Variants in SIK3 observed in about 807,000 individuals in gnomAD.
The protein encoded by SIK3 is SIK family kinase 3, also known as serine/threonine-protein kinase SIK3.
Under a neutral mutation model 144.2 loss-of-function variants are expected in SIK3, and 28 were observed. The ratio of observed to expected loss-of-function variants is 0.19; its 90% CI spans 0.14 to 0.27. The LOEUF (loss-of-function observed/expected upper bound fraction) is 0.27, where lower values mean the gene tolerates loss of function less well. Among genes scored for constraint, SIK3 ranks in the 10% least tolerant of loss-of-function variants. SIK3 has a pLI of 1.00. For synonymous variants in SIK3, 686 were observed against 676.3 expected (o/e 1.01, Z -0.22); for missense variants, 1,319 against 1,776.0 (o/e 0.74, Z 4.62).
chr11:116,922,907 C>CTTTTTTTTTT (rs202058609), intron 4 of SIK3, among the ~76,000 whole-genome samples: 3 of 102,174 alleles, frequency 2.9e-5, no homozygotes, highest in Non-Finnish European at 4.0e-5. Flanking sequence ...TTTCTTTTCT[C>CTTTTTTTTTT]TTTTTTTTTT....
intron 1 of SIK3, among the ~76,000 whole-genome samples, chr11:117,081,825 C>A (rs1591670798): frequency 2.0e-5 from 3 of 152,242 alleles, no homozygotes; most frequent in East Asian, 1.9e-4. Context: ...GTGCTGCAAA[C>A]AACACTACCA....
At chr11:116,908,224 C>A (rs1365344827) in intron 4 of SIK3, among the ~76,000 whole-genome samples, 1 of 152,124 alleles carries the variant, frequency 6.6e-6, no homozygotes, top group Non-Finnish European at 1.5e-5. Flanking sequence ...TCCTGTAATC[C>A]CAGCATTCTG....
intron 1 of SIK3, among the ~76,000 whole-genome samples, chr11:117,001,920 G>A (rs1260674678): frequency 6.6e-6 from 1 of 152,110 alleles, no homozygotes; most frequent in Non-Finnish European, 1.5e-5. Flanking sequence ...AGAAAAATCA[G>A]AAGTTCCCCA....
intron 4 of SIK3, among the ~76,000 whole-genome samples, chr11:116,924,629 T>A (rs1176790529): frequency 6.6e-6 from 1 of 152,162 alleles, no homozygotes; most frequent in African/African-American, 2.4e-5. Context: ...CGCAGCACAG[T>A]GGTGCACCAT....
intron 1 of SIK3, among the ~76,000 whole-genome samples, chr11:117,003,492 A>T (rs543392641): frequency 3.3e-5 from 5 of 152,288 alleles, no homozygotes; most frequent in African/African-American, 7.2e-5. Flanking sequence ...AATAAAAAAA[A>T]AAATATATTC....
chr11:116,918,767 T>C (rs1238266770), intron 4 of SIK3, among the ~76,000 whole-genome samples: 1 of 152,222 alleles, frequency 6.6e-6, no homozygotes, highest in Non-Finnish European at 1.5e-5. Flanking sequence ...TGTGTTAAAC[T>C]AAGTTAATAA....
At chr11:117,000,430 T>C (rs1188379574) in intron 1 of SIK3, among the ~76,000 whole-genome samples, 1 of 152,218 alleles carries the variant, frequency 6.6e-6, no homozygotes, top group African/African-American at 2.4e-5. Flanking sequence ...CTTTCTTAGA[T>C]ATCCCTTTTA....
At chr11:116,911,110 G>A (rs1379547590) in intron 4 of SIK3, among the ~76,000 whole-genome samples, 1 of 151,976 alleles carries the variant, frequency 6.6e-6, no homozygotes, top group African/African-American at 2.4e-5. Context: ...CTCCAACCTG[G>A]GTGACAGAGC....
At chr11:117,095,540 T>C (rs753487226) in intron 1 of SIK3, among the ~76,000 whole-genome samples, 4 of 152,248 alleles carry the variant, frequency 2.6e-5, no homozygotes, top group Non-Finnish European at 4.4e-5. Context: ...CGGCAACTTC[T>C]AGTACCTATG....
At chr11:117,073,088 T>C (rs2136009424) in intron 1 of SIK3, among the ~76,000 whole-genome samples, 1 of 152,286 alleles carries the variant, frequency 6.6e-6, no homozygotes, top group Non-Finnish European at 1.5e-5. Flanking sequence ...GCTACAGTCT[T>C]TAGTGGCAGC....
chr11:117,004,773 T>G (rs921068235), intron 1 of SIK3, among the ~76,000 whole-genome samples: 10 of 152,192 alleles, frequency 6.6e-5, no homozygotes, highest in African/African-American at 2.4e-4. Flanking sequence ...TCCTACCTCT[T>G]CTCCTCATCC....
At chr11:116,847,790 T>C (rs998705549) in intron 22 of SIK3, among the ~76,000 whole-genome samples, 182 bp from the exon 23 acceptor site, 1 of 152,162 alleles carries the variant, frequency 6.6e-6, no homozygotes, top group Non-Finnish European at 1.5e-5. Flanking sequence ...GGGAAGCTGC[T>C]TGGCTCTGCC....
chr11:117,053,318 C>A, intron 1 of SIK3, among the ~76,000 whole-genome samples: 2 of 145,482 alleles, frequency 1.4e-5, no homozygotes, highest in Non-Finnish European at 1.5e-5. Flanking sequence ...GCCTGGGCAA[C>A]AGAGCAAGAC....
At position 117,013,527 on chromosome 11, in the gene SIK3, C is replaced by T. The variant is rs190556994; in HGVS notation, c.274-56463G>A. Among the ~76,000 whole-genome samples, 314 of 152,080 alleles carry T rather than the reference C, an allele frequency of 2.1e-3. 3 individuals are homozygous for T. The highest frequency in any genetic ancestry group is 7.0e-3 in the African/African-American group (289 of 41,506). ...ATACCAAACTGGGATTATCAATAAA[C>T]GAAGTGTATTTTTTTGAAAAACTAA... is the stretch of plus-strand genomic sequence containing the variant. On this transcript the variant is annotated intron_variant, in intron 1 of 24. Coordinates refer to ENST00000445177, the MANE Select transcript of SIK3 (RefSeq NM_001366686.3).
intron 1 of SIK3, among the ~76,000 whole-genome samples, chr11:116,998,597 G>C (rs563123405): frequency 6.6e-6 from 1 of 152,048 alleles, no homozygotes; most frequent in African/African-American, 2.4e-5. Context: ...TCACTATCAT[G>C]AGAGTCAGGG....
chr11:116,984,898 C>T (rs919475916), intron 1 of SIK3, among the ~76,000 whole-genome samples: 2 of 152,182 alleles, frequency 1.3e-5, no homozygotes, highest in Non-Finnish European at 2.9e-5. Context: ...GTATAGAGTC[C>T]AGAAGCACCA....
rs112806808 is a variant in SIK3, at chr11:116,896,078, A to G, written c.865+175T>C. 9.4e-3 allele frequency among the ~76,000 whole-genome samples: 1,424 copies of G among 152,262 alleles called. 17 individuals are homozygous for G. Among genetic ancestry groups the G allele is most frequent in the African/African-American group, 0.03 (1,245 of 41,544 alleles). On this transcript the variant is annotated intron_variant, in intron 6 of 24. Coordinates refer to ENST00000445177, the MANE Select transcript of SIK3 (RefSeq NM_001366686.3). ...ACCCAAGTAGGGCTCTCTGATGCCA[A>G]AACCTATATACTGTTTCTACAGAAC...
At chr11:116,857,686 T>C in intron 21 of SIK3, 124 bp downstream of exon 21, 1 of 1,439,722 alleles carries the variant, frequency 6.9e-7, no homozygotes, top group South Asian at 1.5e-5. Flanking sequence ...CCCAAGAAGG[T>C]CGTGAAGCTC....
At chr11:116,861,429 C>G in intron 18 of SIK3, 46 bp from the exon 19 acceptor site, 2 of 1,380,812 alleles carry the variant, frequency 1.4e-6, no homozygotes, top group Non-Finnish European at 2.0e-6. Flanking sequence ...CCTAAGGTGA[C>G]AGTACAATCT....
Sources: gnomAD v4.1 joint callset for allele counts (sites outside exome capture counted in the v4.1 genomes callset) on GRCh38, gnomAD v4.1.1 for gene constraint, MANE v1.5 for transcripts, NCBI Gene and HGNC (gene_info 2026-07-23, HGNC 2026-07-21) for gene names.